The following EPS15 variants were observed in gnomAD, a reference collection of about 807,000 sequenced individuals.
The protein encoded by EPS15 is epidermal growth factor receptor substrate 15.
A neutral mutation model predicts 113.8 loss-of-function variants in EPS15; 72 were observed. The observed-to-expected ratio is 0.63, with a 90% CI of 0.52 to 0.77. EPS15 has a LOEUF of 0.77. Among genes scored for constraint, EPS15 ranks in the 30% least tolerant of loss-of-function variants. EPS15 has a pLI of 0.00. For synonymous variants in EPS15, 344 were observed against 363.4 expected (o/e 0.95, Z 0.61); for missense variants, 1,048 against 1,045.8 (o/e 1.00, Z -0.03).
At chr1:51,396,161 G>A (rs1011623779) in intron 20 of EPS15, among the ~76,000 whole-genome samples, 1 of 152,118 alleles carries the variant, frequency 6.6e-6, no homozygotes, top group South Asian at 2.1e-4. Context: ...CACTAACTTA[G>A]ATATCTGCAG....
chr1:51,368,224 T>G (rs923055023), intron 21 of EPS15, among the ~76,000 whole-genome samples: 1 of 152,216 alleles, frequency 6.6e-6, no homozygotes, highest in African/African-American at 2.4e-5. Context: ...ATGTGTAAAG[T>G]GTGCCCGTAT....
chr1:51,411,878 A>C (rs1034011414), intron 13 of EPS15, among the ~76,000 whole-genome samples: 8 of 152,238 alleles, frequency 5.3e-5, no homozygotes, highest in Admixed American at 4.6e-4. Context: ...AAGGATTATA[A>C]ATCATTCCAC....
chr1:51,503,705 AAAC>A (rs1644451626), intron 1 of EPS15, among the ~76,000 whole-genome samples: 3 of 152,324 alleles, frequency 2.0e-5, no homozygotes, highest in Middle Eastern at 3.4e-3. Flanking sequence ...ATGTATTACA[AAAC>A]AACAATACTC....
chr1:51,376,806 T>C (rs1646811187), intron 21 of EPS15, among the ~76,000 whole-genome samples: 1 of 152,220 alleles, frequency 6.6e-6, no homozygotes, highest in African/African-American at 2.4e-5. Flanking sequence ...AGCCAGGCAG[T>C]AATTCTTGCA....
At chr1:51,493,622 T>TG (rs1644279932) in intron 1 of EPS15, among the ~76,000 whole-genome samples, 1 of 151,168 alleles carries the variant, frequency 6.6e-6, no homozygotes, top group African/African-American at 2.4e-5. Context: ...TTTCTTTTTT[T>TG]GGGGGGTGGA....
intron 8 of EPS15, among the ~76,000 whole-genome samples, chr1:51,456,898 T>C (rs949965732): frequency 6.6e-6 from 1 of 152,072 alleles, no homozygotes; most frequent in Non-Finnish European, 1.5e-5. Flanking sequence ...TGAACAAAAC[T>C]GGAAGAAAAA....
At chr1:51,491,601 G>A (rs1489010184) in intron 1 of EPS15, among the ~76,000 whole-genome samples, 2 of 152,150 alleles carry the variant, frequency 1.3e-5, no homozygotes, top group African/African-American at 4.8e-5. Flanking sequence ...GCAATCCAAA[G>A]TGACAAGGAA....
At chr1:51,411,110 T>C (rs72694198) in intron 13 of EPS15, among the ~76,000 whole-genome samples, 3,339 of 152,340 alleles carry the variant, frequency 0.022, 31 homozygotes, top group Middle Eastern at 0.034. Flanking sequence ...CTCACATGTG[T>C]CACTATTTTT....
At chr1:51,510,071 A>C (rs1261407638) in intron 1 of EPS15, among the ~76,000 whole-genome samples, 1 of 152,240 alleles carries the variant, frequency 6.6e-6, no homozygotes. Flanking sequence ...AGGATTACCA[A>C]GTTGTAAAGA....
At chr1:51,444,764 G>A (rs748858494) in intron 11 of EPS15, 125 bp downstream of exon 11, 11 of 927,446 alleles carry the variant, frequency 1.2e-5, no homozygotes, top group Non-Finnish European at 1.8e-5. Context: ...ACCACAAACA[G>A]TATACTGTTC....
chr1:51,400,712 CAAAAAAAAAA>C (rs375748381), intron 19 of EPS15, among the ~76,000 whole-genome samples, 196 bp downstream of exon 19: 8 of 60,192 alleles, frequency 1.3e-4, no homozygotes, highest in African/African-American at 5.2e-4. Context: ...CAAAAAACAC[CAAAAAAAAAA>C]AAAAAAAAAA....
chr1:51,407,273 C>A (rs893015694), intron 15 of EPS15, among the ~76,000 whole-genome samples: 8 of 152,132 alleles, frequency 5.3e-5, no homozygotes, highest in Non-Finnish European at 8.8e-5. Context: ...TCTGAGCTCA[C>A]TGCAACCTCT....
chr1:51,436,173 C>T (rs537910529), intron 12 of EPS15, among the ~76,000 whole-genome samples: 12 of 152,296 alleles, frequency 7.9e-5, no homozygotes, highest in South Asian at 6.2e-4. Flanking sequence ...TAAGACAGAA[C>T]GGTCAGAATG....
intron 24 of EPS15, 58 bp from the exon 25 acceptor site, chr1:51,356,904 AG>A: frequency 6.7e-7 from 1 of 1,494,184 alleles, no homozygotes; most frequent in South Asian, 1.2e-5. Context: ...GCAAGTAAAA[AG>A]AAGGAAAAAT....
In EPS15 at chr1:51,477,312, T is replaced by G. The variant is rs981384590; in HGVS notation, c.75+3961A>C. On this transcript the variant is annotated intron_variant, in intron 2 of 24. Coordinates refer to ENST00000371733, the MANE Select transcript of EPS15 (RefSeq NM_001981.3). Reference sequence around the variant, plus strand: ...ATCGGTGGTGGTATCCCCTTTATCATTTTTTATTGTGTCTATTTGATTCTT... The same window carrying G: ...ATCGGTGGTGGTATCCCCTTTATCAGTTTTTATTGTGTCTATTTGATTCTT... Among the ~76,000 whole-genome samples, 14 of 152,158 alleles carry G rather than the reference T, an allele frequency of 9.2e-5. 1 individual carries two copies. Among genetic ancestry groups the G allele is most frequent in the Admixed American group, 3.3e-4 (5 of 15,276 alleles).
At chr1:51,509,245 T>C (rs1175970064) in intron 1 of EPS15, among the ~76,000 whole-genome samples, 1 of 147,380 alleles carries the variant, frequency 6.8e-6, no homozygotes, top group African/African-American at 2.7e-5. Flanking sequence ...ATGCATATAA[T>C]TTCATATTTT....
chr1:51,397,438 A>G (rs1056753861), intron 20 of EPS15, among the ~76,000 whole-genome samples: 2 of 152,202 alleles, frequency 1.3e-5, no homozygotes, highest in African/African-American at 4.8e-5. Flanking sequence ...GACAAGAGGA[A>G]TGTATTCATT....
intron 2 of EPS15, among the ~76,000 whole-genome samples, chr1:51,474,955 G>C (rs1655553297): frequency 6.6e-6 from 1 of 151,706 alleles, no homozygotes; most frequent in African/African-American, 2.4e-5. Context: ...CCTTGCGATA[G>C]TTTGCTCAGA....
intron 1 of EPS15, 71 bp downstream of exon 1, chr1:51,519,128 C>G: frequency 9.0e-7 from 1 of 1,113,352 alleles, no homozygotes; most frequent in Non-Finnish European, 1.2e-6. Flanking sequence ...GCCAAGAAGT[C>G]GGCGAAGCTG....
Sources: gnomAD v4.1 joint callset for allele counts (sites outside exome capture counted in the v4.1 genomes callset) on GRCh38, gnomAD v4.1.1 for gene constraint, MANE v1.5 for transcripts, NCBI Gene and HGNC (gene_info 2026-07-23, HGNC 2026-07-21) for gene names.